Variants in AVEN observed in about 807,000 individuals in gnomAD.
The protein encoded by AVEN is cell death regulator Aven.
AVEN carries 41 observed loss-of-function variants against 38.1 expected under a neutral mutation model. The ratio of observed to expected loss-of-function variants is 1.08; its 90% confidence interval spans 0.84 to 1.40. The LOEUF is 1.40. Ranked by LOEUF, AVEN falls within the 40% of genes most tolerant of loss-of-function variation. The probability of loss-of-function intolerance (pLI) is 0.00; values close to 1 mark genes in which losing one functional copy is unlikely to be tolerated. For synonymous variants in AVEN, 206 were observed against 171.8 expected (o/e 1.20, Z -1.56); for missense variants, 605 against 438.8 (o/e 1.38, Z -3.38).
At chr15:34,049,796 C>G (rs1218208751) in intron 5 of AVEN, among the ~76,000 whole-genome samples, 1 of 151,710 alleles carries the variant, frequency 6.6e-6, no homozygotes, top group Non-Finnish European at 1.5e-5. Flanking sequence ...AGGGCCAGTT[C>G]ACCTACAAAA....
At chr15:33,909,089 A>C (rs1892821756) in intron 2 of AVEN, among the ~76,000 whole-genome samples, 1 of 152,140 alleles carries the variant, frequency 6.6e-6, no homozygotes, top group Non-Finnish European at 1.5e-5. Flanking sequence ...CCCAAGTACA[A>C]GTTGGTTTTT....
chr15:34,044,200 T>C (rs1052570206), upstream of AVEN, among the ~76,000 whole-genome samples: 1 of 152,224 alleles, frequency 6.6e-6, no homozygotes, highest in Non-Finnish European at 1.5e-5. Context: ...TCTATAGCAC[T>C]GTCTCCAATT....
intron 2 of AVEN, among the ~76,000 whole-genome samples, chr15:33,983,087 C>T (rs150920153): frequency 6.6e-6 from 1 of 151,466 alleles, no homozygotes; most frequent in African/African-American, 2.4e-5. Flanking sequence ...ATATATAAAT[C>T]ACTTGGGATA....
At chr15:33,872,919 C>T (rs912928202) in intron 3 of AVEN, among the ~76,000 whole-genome samples, 3 of 151,762 alleles carry the variant, frequency 2.0e-5, no homozygotes, top group Non-Finnish European at 2.9e-5. Context: ...CCCTGACCGC[C>T]GACCTGTGTC....
chr15:34,014,223 G>C (rs2140677694), intron 1 of AVEN, among the ~76,000 whole-genome samples: 1 of 152,030 alleles, frequency 6.6e-6, no homozygotes, highest in East Asian at 1.9e-4. Context: ...AATTAGCCAG[G>C]CGTGGTGGCA....
intron 1 of AVEN, among the ~76,000 whole-genome samples, chr15:34,009,250 G>A (rs1207995869): frequency 6.6e-6 from 1 of 152,034 alleles, no homozygotes; most frequent in African/African-American, 2.4e-5. Context: ...CACCTTACAA[G>A]ATACACTAAC....
intron 2 of AVEN, among the ~76,000 whole-genome samples, chr15:33,963,235 G>A (rs567211896): frequency 2.3e-4 from 35 of 152,268 alleles, no homozygotes; most frequent in Non-Finnish European, 4.3e-4. Context: ...TGTGCTAGGT[G>A]CTTTGCATGG....
chr15:33,892,024 T>A (rs1891994663), intron 2 of AVEN, among the ~76,000 whole-genome samples: 1 of 152,272 alleles, frequency 6.6e-6, no homozygotes, highest in Admixed American at 6.5e-5. Context: ...TGCATAAATG[T>A]CTTCTTTCGA....
chr15:33,954,844 T>C (rs1164004885), intron 2 of AVEN, among the ~76,000 whole-genome samples: 1 of 152,188 alleles, frequency 6.6e-6, no homozygotes, highest in Non-Finnish European at 1.5e-5. Flanking sequence ...AACTCAACTC[T>C]TCTTAACTAA....
intron 1 of AVEN, among the ~76,000 whole-genome samples, 193 bp downstream of exon 1, chr15:34,038,587 A>T (rs1371689793): frequency 1.3e-5 from 2 of 148,626 alleles, no homozygotes; most frequent in South Asian, 2.1e-4. Context: ...CACGAGGGCC[A>T]AGCGCATACC....
chr15:33,937,316 T>G (rs752977367), intron 2 of AVEN, among the ~76,000 whole-genome samples: 18 of 149,808 alleles, frequency 1.2e-4, no homozygotes, highest in Non-Finnish European at 1.9e-4. Context: ...GGGCGGATCA[T>G]GAGGTCAGGA....
Position 34,063,427 on chromosome 15 carries a change from C to T in AVEN, n.1132G>A, listed in dbSNP as rs1231896104. 1.2e-6 allele frequency: 2 copies of T among 1,613,806 alleles called. No homozygotes were observed. Among genetic ancestry groups the T allele is most frequent in the Non-Finnish European group, 1.7e-6 (2 of 1,180,038 alleles). ...GACCTCCAGGGTTCTGACTCTGTGA[C>T]CAAAGCTGAGAAGAGAAAGCCAGCT... On this transcript the variant is annotated non_coding_transcript_exon_variant, in exon 5 of 12. Coordinates refer to the AVEN transcript ENST00000675287. This position sits in a 1 kb window ranked among gnomAD's most constrained non-coding sequence, Gnocchi z 4.1.
At chr15:33,990,297 G>A (rs753580584) in intron 2 of AVEN, among the ~76,000 whole-genome samples, 2 of 151,096 alleles carry the variant, frequency 1.3e-5, no homozygotes, top group Admixed American at 6.6e-5. Flanking sequence ...CAGGAGAATC[G>A]CTAGAACCTG....
At chr15:33,868,806 G>C (rs1890812817) in intron 4 of AVEN, among the ~76,000 whole-genome samples, 1 of 152,186 alleles carries the variant, frequency 6.6e-6, no homozygotes, top group South Asian at 2.1e-4. Context: ...GGTGGCTTCT[G>C]AGGTGCTGAC....
At chr15:33,924,360 A>T (rs1597236643) in intron 2 of AVEN, among the ~76,000 whole-genome samples, 2 of 149,416 alleles carry the variant, frequency 1.3e-5, no homozygotes, top group Admixed American at 6.6e-5. Context: ...ACAGAGCGAG[A>T]CTGTCTCAAA....
chr15:33,914,684 C>T (rs981606998), intron 2 of AVEN, among the ~76,000 whole-genome samples: 1 of 150,818 alleles, frequency 6.6e-6, no homozygotes, highest in African/African-American at 2.4e-5. Flanking sequence ...AAGGGATATA[C>T]AAACATGGAG....
At chr15:34,048,939 C>T (rs1412810699) in intron 5 of AVEN, among the ~76,000 whole-genome samples, 2 of 152,128 alleles carry the variant, frequency 1.3e-5, no homozygotes, top group Admixed American at 6.5e-5. Flanking sequence ...GGAGTGGACC[C>T]ACGGCAAACT....
intron 5 of AVEN, among the ~76,000 whole-genome samples, chr15:34,049,003 G>T (rs527724496): frequency 9.9e-5 from 15 of 152,150 alleles, no homozygotes; most frequent in African/African-American, 3.6e-4. Flanking sequence ...CAAACAAACA[G>T]AAAACAACAA....
At chr15:33,927,326 T>C (rs78085304) in intron 2 of AVEN, among the ~76,000 whole-genome samples, 6,382 of 152,164 alleles carry the variant, frequency 0.042, 276 homozygotes, top group African/African-American at 0.11. Context: ...TTAAGTGCTC[T>C]TAACAGTGCC....
Sources: allele counts gnomAD v4.1 joint callset (sites outside exome capture counted in the v4.1 genomes callset), GRCh38; gene constraint gnomAD v4.1.1; non-coding constraint Gnocchi (gnomAD v3.1); transcripts MANE v1.5; gene names NCBI Gene and HGNC (gene_info 2026-07-23, HGNC 2026-07-21).